The following FXYD7 variants were observed in gnomAD, a reference collection of about 807,000 sequenced individuals.
FXYD7 encodes the protein FXYD domain containing ion transport regulator 7.
In FXYD7, 7 loss-of-function variants were observed where a neutral mutation model predicts 15.3. That is an observed-to-expected ratio of 0.46 (90% confidence interval 0.26 to 0.86). The LOEUF (loss-of-function observed/expected upper bound fraction) is 0.86, where lower values mean the gene tolerates loss of function less well. Ranked by LOEUF, FXYD7 falls within the 40% of genes least tolerant of loss-of-function variation. The pLI is 0.16. For synonymous variants in FXYD7, 39 were observed against 39.3 expected (o/e 0.99, Z 0.03); for missense variants, 78 against 100.6 (o/e 0.78, Z 0.96).
intron 1 of FXYD7, among the ~76,000 whole-genome samples, 187 bp from the exon 2 acceptor site, chr19:35,148,507 G>A (rs1316196021): frequency 6.6e-6 from 1 of 152,214 alleles, no homozygotes; most frequent in South Asian, 2.1e-4. Context: ...CTGGAATCCA[G>A]CTTGAGCTAT....
At chr19:35,151,521 G>A in intron 4 of FXYD7, 39 bp downstream of exon 4, 1 of 1,610,312 alleles carries the variant, frequency 6.2e-7, no homozygotes, top group Non-Finnish European at 8.5e-7. Flanking sequence ...GGGGGCCTCG[G>A]GGTGCCTCCC....
chr19:35,151,422 G>T lies in FXYD7; in HGVS notation c.137-18G>T. On this transcript the variant is annotated intron_variant, in intron 3 of 5. Coordinates refer to ENST00000270310, the MANE Select transcript of FXYD7 (RefSeq NM_022006.2). ...CCGCTATGTCCTGTCTTCTTGTTCTGTCTCTCTCTCCCAACAGGCAAGAAG... is the reference window on the plus strand; with the variant it reads ...CCGCTATGTCCTGTCTTCTTGTTCTTTCTCTCTCTCCCAACAGGCAAGAAG... 4 of 1,613,422 alleles carry T rather than the reference G, an allele frequency of 2.5e-6. No individual in the cohort carries two copies. The highest frequency in any genetic ancestry group is 2.5e-6 in the Non-Finnish European group (3 of 1,179,414).
At chr19:35,146,139 ATCT>A (rs562389074) in intron 1 of FXYD7, among the ~76,000 whole-genome samples, 155 of 148,076 alleles carry the variant, frequency 1.0e-3, no homozygotes, top group Admixed American at 1.6e-3. Context: ...TGGAAAATTA[ATCT>A]TCTTTTTTTT....
chr19:35,154,031 C>A lies in FXYD7; in HGVS notation c.*115C>A. The A allele has an allele frequency of 1.1e-6, 1 of 905,458 alleles. No homozygotes were observed. Among genetic ancestry groups the A allele is most frequent in the Non-Finnish European group, 1.7e-6 (1 of 572,072 alleles). 56.1% of individuals were successfully genotyped at this position (905,458 alleles called of 1,614,324 possible). On this transcript the variant is annotated 3_prime_UTR_variant, in exon 6 of 6. Coordinates refer to ENST00000270310, the MANE Select transcript of FXYD7 (RefSeq NM_022006.2). Reference sequence around the variant, plus strand: ...GGGAGCGCTCCCCGGAATGAGCCGCCCCACCCACCCCAAGGCTGGAGCCGC... The same window carrying A: ...GGGAGCGCTCCCCGGAATGAGCCGCACCACCCACCCCAAGGCTGGAGCCGC...
At chr19:35,149,286 A>C (rs1326492565) in intron 2 of FXYD7, 1 of 335,490 alleles carries the variant, frequency 3.0e-6, no homozygotes, top group African/African-American at 2.2e-5. Flanking sequence ...CCCTTTGCTC[A>C]TTCATACTTT....
intron 2 of FXYD7, chr19:35,149,319 C>T (rs1257875092): frequency 1.5e-5 from 5 of 335,432 alleles, no homozygotes; most frequent in South Asian, 9.5e-5. Flanking sequence ...CAATTTCTCT[C>T]CCATCTCAGG....
intron 2 of FXYD7, 99 bp from the exon 3 acceptor site, chr19:35,151,155 G>T: frequency 1.2e-6 from 1 of 805,428 alleles, no homozygotes; most frequent in Non-Finnish European, 2.3e-6. Context: ...CTCCCTGGGC[G>T]ATTCTGGGTT....
intron 1 of FXYD7, among the ~76,000 whole-genome samples, chr19:35,144,499 T>C (rs1568404708): frequency 1.3e-5 from 2 of 152,144 alleles, no homozygotes; most frequent in Admixed American, 6.5e-5. Context: ...TCTCCAGCAC[T>C]GAGGGCAGGG....
Position 35,151,723 on chromosome 19 carries a change from G to A in FXYD7, c.220+50G>A, listed in dbSNP as rs370869800. The A allele has an allele frequency of 2.5e-5, 32 of 1,298,964 alleles. No homozygotes were observed. The African/African-American group carries it at 4.2e-4, about 17-fold the overall frequency. 80.5% of individuals were successfully genotyped at this position (1,298,964 alleles called of 1,614,324 possible). On this transcript the variant is annotated intron_variant, in intron 5 of 5. Coordinates refer to ENST00000270310, the MANE Select transcript of FXYD7 (RefSeq NM_022006.2). ...CTGGGAGAGTTTTAGGTGGGGCAGG[G>A]AAGGGAACCCTCAGAAGGGAAGTCG...
chr19:35,151,782 G>A, intron 5 of FXYD7, 109 bp downstream of exon 5: 1 of 775,020 alleles, frequency 1.3e-6, no homozygotes, highest in Non-Finnish European at 2.4e-6. Flanking sequence ...GCGGAGGGGG[G>A]GTGGTGCCTG....
intron 5 of FXYD7, among the ~76,000 whole-genome samples, chr19:35,153,040 T>TTTTTTTTTTTTTG (rs2065320536): frequency 8.7e-6 from 1 of 114,690 alleles, no homozygotes; most frequent in Non-Finnish European, 1.8e-5. Flanking sequence ...TTCCTTTTTT[T>TTTTTTTTTTTTTG]TTTTTTTTTT....
intron 5 of FXYD7, among the ~76,000 whole-genome samples, chr19:35,152,790 C>T (rs544619225): frequency 4.6e-5 from 7 of 151,676 alleles, no homozygotes; most frequent in Non-Finnish European, 1.0e-4. Context: ...GCAGGGCAAG[C>T]ATGTCAACGA....
Position 35,143,478 on chromosome 19 carries a change from T to C in FXYD7, c.31+114T>C. 7.7e-6 allele frequency: 6 copies of C among 782,756 alleles called. No individual in the cohort carries two copies. The highest frequency in any genetic ancestry group is 1.1e-5 in the Non-Finnish European group (6 of 530,568). 48.5% of individuals were successfully genotyped at this position (782,756 alleles called of 1,614,324 possible). A position where few individuals can be genotyped will look rare whatever the true frequency, so the allele number is the denominator to read the frequency against. On this transcript the variant is annotated intron_variant, in intron 1 of 5. Transcript: ENST00000270310. The surrounding 1 kb of genome is among the most constrained non-coding windows in gnomAD (Gnocchi z 4.3). ...AGGCAAGGGAGTTGGGGGAGGGAGGTCCGCTCCTCCTGTGGGCGGAAGCCC... is the reference window on the plus strand; with the variant it reads ...AGGCAAGGGAGTTGGGGGAGGGAGGCCCGCTCCTCCTGTGGGCGGAAGCCC...
chr19:35,153,918 A>T lies in FXYD7; in HGVS notation c.*2A>T. 6.2e-7 allele frequency: 1 copy of T among 1,611,634 alleles called. No individual in the cohort carries two copies. The stretch of plus-strand genomic sequence containing the variant: ...GCCCCTGGTGGCGGCGGCGTGTAAC[A>T]CCTTCCCGAGGAAACTCCGCTGCCG... On this transcript the variant is annotated 3_prime_UTR_variant, in exon 6 of 6. Transcript: ENST00000270310.
Position 35,151,378 on chromosome 19 carries a change from G to C in FXYD7, c.136+50G>C, listed in dbSNP as rs368011127. ...GCCTCAGCCTCCGCTTCCTCTGCTGGCTTTCATCCATATCCTACCCGCTAT... is the reference window on the plus strand; with the variant it reads ...GCCTCAGCCTCCGCTTCCTCTGCTGCCTTTCATCCATATCCTACCCGCTAT... On this transcript the variant is annotated intron_variant, in intron 3 of 5. Transcript: ENST00000270310. The C allele has an allele frequency of 5.0e-6, 8 of 1,601,426 alleles. No homozygotes were observed. In the African/African-American group the frequency reaches 8.0e-5, roughly 16 times the overall value.
rs780677484 is a variant in FXYD7 at position 35,143,394 on chromosome 19, G to T, written c.31+30G>T. 2.4e-5 allele frequency: 35 copies of T among 1,483,788 alleles called. No individual in the cohort carries two copies. The East Asian group carries it at 8.8e-4, about 37-fold the overall frequency. The allele number at this position is 1,483,788 out of a possible 1,614,324, so 91.9% of individuals were successfully genotyped here. A position where few individuals can be genotyped will look rare whatever the true frequency, so the allele number is the denominator to read the frequency against. On this transcript the variant is annotated intron_variant, in intron 1 of 5. Transcript: ENST00000270310. This position sits in a 1 kb window ranked among gnomAD's most constrained non-coding sequence, Gnocchi z 4.3. ...GCGTCGTTTGGGGAGGGGGTTGCAG[G>T]GGGGCTCCGGGATCTGAGAGCCTAG...
rs1356700880 is a variant in FXYD7, at chr19:35,143,374, GT to G, written c.31+13del. 2 of 1,510,686 alleles carry G rather than the reference GT, an allele frequency of 1.3e-6. No individual in the cohort carries two copies. The highest frequency in any genetic ancestry group is 2.9e-5 in the African/African-American group (2 of 69,028). 93.6% of individuals were successfully genotyped at this position (1,510,686 alleles called of 1,614,324 possible). On this transcript the variant is annotated intron_variant, in intron 1 of 5. Transcript: ENST00000270310. The surrounding 1 kb of genome is among the most constrained non-coding windows in gnomAD (Gnocchi z 4.3). ...CAGACCCCCACAAAGGGTGAGCGTC[GT>G]TTGGGGAGGGGGTTGCAGGGGGGCT...
In FXYD7 at chr19:35,154,236, C is replaced by G. The variant is rs2065330181; in HGVS notation, c.*320C>G. ...ACCTCCTTGTCTCATCCCCGAAGAT[C>G]CGTCCCCCTGGCCCCTCAGTGTCCA... On this transcript the variant is annotated 3_prime_UTR_variant, in exon 6 of 6. Transcript: ENST00000270310. 2 of 487,720 alleles carry G rather than the reference C, an allele frequency of 4.1e-6. No homozygotes were observed. The highest frequency in any genetic ancestry group is 7.3e-6 in the Non-Finnish European group (2 of 274,522). The allele number at this position is 487,720 out of a possible 1,614,324, so 30.2% of individuals were successfully genotyped here.
At chr19:35,148,033 AAGAAAGAAAG>A (rs2065295165) in intron 1 of FXYD7, among the ~76,000 whole-genome samples, 1 of 34,074 alleles carries the variant, frequency 2.9e-5, no homozygotes, top group South Asian at 9.2e-4. Context: ...GAAGGAAAGA[AAGAAAGAAAG>A]AAAGAAAGAA....
Sources: gnomAD v4.1 joint callset for allele counts (sites outside exome capture counted in the v4.1 genomes callset) on GRCh38, gnomAD v4.1.1 for gene constraint, Gnocchi (gnomAD v3.1) non-coding constraint, MANE v1.5 for transcripts, NCBI Gene and HGNC (gene_info 2026-07-23, HGNC 2026-07-21) for gene names.